Variants in PARD3B observed in about 807,000 individuals in gnomAD.
PARD3B encodes the protein par-3 family cell polarity regulator beta.
PARD3B carries 103 observed loss-of-function variants against 130.2 expected under a neutral mutation model. That is an observed-to-expected ratio of 0.79 (90% CI 0.67 to 0.93). The LOEUF is 0.93. PARD3B is among the 40% of genes least tolerant of loss of function. The probability of loss-of-function intolerance (pLI) is 0.00; values close to 1 mark genes in which losing one functional copy is unlikely to be tolerated. For synonymous variants in PARD3B, 583 were observed against 553.2 expected (o/e 1.05, Z -0.76); for missense variants, 1,609 against 1,499.2 (o/e 1.07, Z -1.21).
intron 3 of PARD3B, among the ~76,000 whole-genome samples, chr2:205,030,196 T>C (rs1697321342): frequency 6.6e-6 from 1 of 152,056 alleles, no homozygotes; most frequent in Non-Finnish European, 1.5e-5. Context: ...ACAGAGATAG[T>C]CCCCTGAGGT....
intron 2 of PARD3B, among the ~76,000 whole-genome samples, chr2:204,956,018 G>T (rs1167664200): frequency 3.3e-5 from 5 of 152,170 alleles, no homozygotes; most frequent in African/African-American, 1.2e-4. Flanking sequence ...TTGCTGGAAA[G>T]ACCACTTTGG....
At chr2:204,978,016 C>T (rs900404882) in intron 3 of PARD3B, among the ~76,000 whole-genome samples, 1 of 152,046 alleles carries the variant, frequency 6.6e-6, no homozygotes, top group East Asian at 1.9e-4. Context: ...AACAGATAAA[C>T]ACCCCAAGAT....
At chr2:205,426,413 A>G (rs114460901) in intron 19 of PARD3B, among the ~76,000 whole-genome samples, 167 of 152,338 alleles carry the variant, frequency 1.1e-3, no homozygotes, top group African/African-American at 3.9e-3. Context: ...TGTAGCTTCT[A>G]TTACAAAAGC....
At chr2:205,500,088 CAGA>C in intron 21 of PARD3B, 57 bp downstream of exon 21, 3 of 1,575,150 alleles carry the variant, frequency 1.9e-6, no homozygotes, top group South Asian at 2.3e-5. Context: ...ATGTTTAGAG[CAGA>C]AGAACACGGT....
intron 2 of PARD3B, among the ~76,000 whole-genome samples, chr2:204,953,909 CAA>C (rs1690021091): frequency 7.1e-6 from 1 of 141,192 alleles, no homozygotes; most frequent in South Asian, 2.1e-4. Context: ...AACTAACTCG[CAA>C]AGACTGTCTA....
At chr2:205,286,137 C>A (rs1343018308) in intron 16 of PARD3B, among the ~76,000 whole-genome samples, 4 of 151,902 alleles carry the variant, frequency 2.6e-5, no homozygotes, top group African/African-American at 9.7e-5. Context: ...AAAATAAGAA[C>A]AAAACAGTTT....
At chr2:205,429,297 T>G (rs1356230974) in intron 19 of PARD3B, among the ~76,000 whole-genome samples, 1 of 152,134 alleles carries the variant, frequency 6.6e-6, no homozygotes, top group Admixed American at 6.5e-5. Flanking sequence ...ACTCTGAAAA[T>G]TAGCAGTGAA....
At chr2:205,169,058 G>A (rs2034999593) in intron 11 of PARD3B, among the ~76,000 whole-genome samples, 1 of 152,166 alleles carries the variant, frequency 6.6e-6, no homozygotes, top group Non-Finnish European at 1.5e-5. Context: ...GAGGTTGGAT[G>A]AGATGACCTC....
chr2:204,604,547 A>AT (rs1247394272), intron 1 of PARD3B, among the ~76,000 whole-genome samples: 1 of 152,190 alleles, frequency 6.6e-6, no homozygotes, highest in Non-Finnish European at 1.5e-5. Flanking sequence ...GATTAAAAAA[A>AT]TTTATGTAGG....
intron 4 of PARD3B, among the ~76,000 whole-genome samples, chr2:205,068,033 C>T (rs911843322): frequency 6.6e-6 from 1 of 152,118 alleles, no homozygotes; most frequent in African/African-American, 2.4e-5. Context: ...CCTACATAAG[C>T]CTCACAAAAT....
At chr2:205,038,333 T>C (rs1698158334) in intron 3 of PARD3B, among the ~76,000 whole-genome samples, 1 of 152,164 alleles carries the variant, frequency 6.6e-6, no homozygotes, top group Non-Finnish European at 1.5e-5. Context: ...ACTTGTTTTT[T>C]TAGAGTGTAT....
At chr2:204,743,774 A>G (rs1345347807) in intron 2 of PARD3B, among the ~76,000 whole-genome samples, 3 of 152,140 alleles carry the variant, frequency 2.0e-5, no homozygotes, top group Middle Eastern at 3.4e-3. Flanking sequence ...TATCCTCTCT[A>G]TGGTGATCTC....
At chr2:204,580,976 C>T (rs1358455668) in intron 1 of PARD3B, among the ~76,000 whole-genome samples, 1 of 152,154 alleles carries the variant, frequency 6.6e-6, no homozygotes, top group Admixed American at 6.5e-5. Context: ...TATGCAGACT[C>T]GTTATTCTGC....
At chr2:204,981,247 C>G (rs948401085) in intron 3 of PARD3B, among the ~76,000 whole-genome samples, 1 of 151,824 alleles carries the variant, frequency 6.6e-6, no homozygotes. Flanking sequence ...CAGAAACGAG[C>G]GTGTATATTC....
At chr2:205,381,561 C>T (rs899072715) in intron 18 of PARD3B, among the ~76,000 whole-genome samples, 30 of 151,876 alleles carry the variant, frequency 2.0e-4, no homozygotes, top group African/African-American at 7.3e-4. Context: ...GTCATCTTTA[C>T]CACTTGTTTG....
chr2:204,818,517 A>G (rs1418859986), intron 2 of PARD3B, among the ~76,000 whole-genome samples: 2 of 152,208 alleles, frequency 1.3e-5, no homozygotes, highest in African/African-American at 4.8e-5. Context: ...TTCCTGTGGG[A>G]TCGTCATACA....
intron 2 of PARD3B, among the ~76,000 whole-genome samples, chr2:204,888,304 A>G (rs2046329526): frequency 6.6e-6 from 1 of 152,158 alleles, no homozygotes; most frequent in Non-Finnish European, 1.5e-5. Context: ...GATGCAGAGT[A>G]AGATATGCAG....
chr2:204,773,788 T>G (rs914359398), intron 2 of PARD3B, among the ~76,000 whole-genome samples: 1 of 152,076 alleles, frequency 6.6e-6, no homozygotes, highest in African/African-American at 2.4e-5. Flanking sequence ...TCACCCTGAC[T>G]TCCTCTTCTC....
Position 205,287,152 on chromosome 2 carries a change from C to G in PARD3B, c.2186-13378C>G, listed in dbSNP as rs1440403225. Among the ~76,000 whole-genome samples the G allele has an allele frequency of 6.6e-6, 1 of 152,146 alleles. No individual in the cohort carries two copies. Among genetic ancestry groups the G allele is most frequent in the Non-Finnish European group, 1.5e-5 (1 of 68,030 alleles). On this transcript the variant is annotated intron_variant, in intron 16 of 22. Coordinates refer to ENST00000406610, the MANE Select transcript of PARD3B (RefSeq NM_001302769.2). The surrounding 1 kb of genome is among the most constrained non-coding windows in gnomAD (Gnocchi z 4.8). ...CACCATTCCTTCACCAGCAGTCTGCCCTGTTACTCAAGTGTCCGACCTGAG... is the reference window on the plus strand; with the variant it reads ...CACCATTCCTTCACCAGCAGTCTGCGCTGTTACTCAAGTGTCCGACCTGAG...
Sources: gnomAD v4.1 joint callset for allele counts (sites outside exome capture counted in the v4.1 genomes callset) on GRCh38, gnomAD v4.1.1 for gene constraint, Gnocchi (gnomAD v3.1) non-coding constraint, MANE v1.5 for transcripts, NCBI Gene and HGNC (gene_info 2026-07-23, HGNC 2026-07-21) for gene names.